Variants in RGS17 observed in about 807,000 individuals in gnomAD.
RGS17 encodes the protein regulator of G-protein signaling 17.
Under a neutral mutation model 25.5 loss-of-function variants are expected in RGS17, and 12 were observed. The observed-to-expected ratio is 0.47, with a 90% confidence interval of 0.30 to 0.76. The LOEUF (loss-of-function observed/expected upper bound fraction) is 0.76. RGS17 is among the 30% of genes least tolerant of loss of function. The pLI, the probability that RGS17 is intolerant of heterozygous loss-of-function variation, is 0.07. For missense variants in RGS17, 196 were observed against 242.2 expected, an observed-to-expected ratio of 0.81 and a Z score of 1.27; for synonymous variants, 71 against 76.9, an observed-to-expected ratio of 0.92 and a Z score of 0.40.
chr6:153,060,657 C>CT (rs1776621738), intron 1 of RGS17, among the ~76,000 whole-genome samples: 1 of 150,962 alleles, frequency 6.6e-6, no homozygotes, highest in African/African-American at 2.4e-5. Context: ...TTCTATTTTG[C>CT]TCAGAGAGGA....
At chr6:153,103,905 C>T (rs2129123931) in intron 1 of RGS17, among the ~76,000 whole-genome samples, 1 of 152,306 alleles carries the variant, frequency 6.6e-6, no homozygotes, top group South Asian at 2.1e-4. Flanking sequence ...TAATTACCAT[C>T]CAGCTTCACA....
intron 1 of RGS17, among the ~76,000 whole-genome samples, chr6:153,125,318 T>C (rs1777688646): frequency 2.0e-5 from 3 of 152,200 alleles, no homozygotes; most frequent in Admixed American, 2.0e-4. Context: ...CATACAAAGC[T>C]TAAGAAATTC....
At chr6:153,018,882 G>A (rs1200270086) in intron 4 of RGS17, among the ~76,000 whole-genome samples, 1 of 152,152 alleles carries the variant, frequency 6.6e-6, no homozygotes. Flanking sequence ...TAGAAAAACT[G>A]ACTTAAATCA....
At chr6:153,094,442 T>G (rs1306139519) in intron 1 of RGS17, among the ~76,000 whole-genome samples, 2 of 152,178 alleles carry the variant, frequency 1.3e-5, no homozygotes, top group Non-Finnish European at 2.9e-5. Context: ...ATAATAATGT[T>G]GATAATTAGA....
At chr6:153,075,947 C>T (rs556577316) in intron 1 of RGS17, among the ~76,000 whole-genome samples, 41 of 151,982 alleles carry the variant, frequency 2.7e-4, no homozygotes, top group African/African-American at 8.5e-4. Context: ...TTACAGTAGG[C>T]GGGTGGGAAT....
intron 1 of RGS17, among the ~76,000 whole-genome samples, chr6:153,088,690 T>C (rs1172419858): frequency 6.6e-6 from 1 of 152,132 alleles, no homozygotes; most frequent in African/African-American, 2.4e-5. Flanking sequence ...CCTTGTACTC[T>C]TCCTGGCATG....
rs753686780 is a variant in RGS17 at position 153,026,563 on chromosome 6, T to C, written c.120-20A>G. The C allele has an allele frequency of 6.3e-7, 1 of 1,585,806 alleles. No homozygotes were observed. Among genetic ancestry groups the C allele is most frequent in the Non-Finnish European group, 8.6e-7 (1 of 1,156,480 alleles). ...GTGAGGCTGTAATGTAACAGAACAT[T>C]TAATTTTGTCAAGGGAAATTCAATC... On this transcript the variant is annotated intron_variant, in intron 2 of 4. Coordinates refer to ENST00000206262, the MANE Select transcript of RGS17 (RefSeq NM_012419.5).
At chr6:153,100,139 C>T (rs1308714287) in intron 1 of RGS17, among the ~76,000 whole-genome samples, 1 of 152,084 alleles carries the variant, frequency 6.6e-6, no homozygotes, top group South Asian at 2.1e-4. Flanking sequence ...AGACTACATA[C>T]CCTGGGCATT....
chr6:153,019,737 T>A (rs1349997758), intron 4 of RGS17, among the ~76,000 whole-genome samples: 2 of 152,204 alleles, frequency 1.3e-5, no homozygotes, highest in Admixed American at 1.3e-4. Context: ...GAAGCTGAGC[T>A]GATGCCAGCA....
intron 2 of RGS17, 78 bp from the exon 3 acceptor site, chr6:153,026,621 A>T: frequency 9.4e-7 from 1 of 1,068,576 alleles, no homozygotes; most frequent in Non-Finnish European, 1.4e-6. Context: ...TTCTGGGGAA[A>T]CATTTCACAG....
chr6:153,099,492 C>A (rs1200218823), intron 1 of RGS17, among the ~76,000 whole-genome samples: 2 of 152,040 alleles, frequency 1.3e-5, no homozygotes, highest in African/African-American at 4.8e-5. Flanking sequence ...TGAGACAAAC[C>A]CTTTTCTAAA....
chr6:153,030,613 C>T (rs957031944), intron 2 of RGS17, among the ~76,000 whole-genome samples: 7 of 152,234 alleles, frequency 4.6e-5, no homozygotes, highest in Non-Finnish European at 8.8e-5. Context: ...GCTTCTACCT[C>T]AAAGTTCCTG....
rs530332560 is a variant in RGS17, at chr6:153,071,801, A to G, written c.-25-27758T>C. ...AATATCAGAACTAGCATTGTTAGGG[A>G]TAATCTATTTTATAGTAGTAGCTGA... On this transcript the variant is annotated intron_variant, in intron 1 of 4. Coordinates refer to ENST00000206262, the MANE Select transcript of RGS17 (RefSeq NM_012419.5). Among the ~76,000 whole-genome samples, 3 of 152,290 alleles carry G rather than the reference A, an allele frequency of 2.0e-5. No individual in the cohort carries two copies. In the East Asian group the frequency reaches 5.8e-4, roughly 29 times the overall value.
chr6:153,090,816 AAC>A (rs113025910), intron 1 of RGS17, among the ~76,000 whole-genome samples: 59 of 150,952 alleles, frequency 3.9e-4, no homozygotes, highest in African/African-American at 1.4e-3. Flanking sequence ...AGATTGAAAA[AAC>A]ACAGCACATA....
intron 1 of RGS17, among the ~76,000 whole-genome samples, chr6:153,095,739 G>A (rs1027066392): frequency 2.0e-5 from 3 of 152,106 alleles, no homozygotes; most frequent in South Asian, 4.1e-4. Flanking sequence ...ATAAAAGGAC[G>A]CATAAATCTC....
At chr6:153,032,671 G>A (rs1776169292) in intron 2 of RGS17, among the ~76,000 whole-genome samples, 2 of 152,068 alleles carry the variant, frequency 1.3e-5, no homozygotes, top group African/African-American at 4.8e-5. Context: ...TTCGGTGAGT[G>A]TAATAATCAA....
chr6:153,058,076 G>A (rs1776584027), intron 1 of RGS17, among the ~76,000 whole-genome samples: 1 of 152,152 alleles, frequency 6.6e-6, no homozygotes, highest in Non-Finnish European at 1.5e-5. Flanking sequence ...GATAATAATA[G>A]AACACATAAG....
chr6:153,087,413 G>A (rs1478730573), intron 1 of RGS17, among the ~76,000 whole-genome samples: 2 of 152,120 alleles, frequency 1.3e-5, no homozygotes, highest in Admixed American at 1.3e-4. Flanking sequence ...GCTATCTATC[G>A]AATCTATATC....
chr6:153,092,319 G>A (rs2129121866), intron 1 of RGS17, among the ~76,000 whole-genome samples: 1 of 152,286 alleles, frequency 6.6e-6, no homozygotes, highest in Middle Eastern at 3.4e-3. Flanking sequence ...GATTTTGAAG[G>A]AAGCAGTTGA....
Sources: gnomAD v4.1 joint callset for allele counts (sites outside exome capture counted in the v4.1 genomes callset) on GRCh38, gnomAD v4.1.1 for gene constraint, MANE v1.5 for transcripts, NCBI Gene and HGNC (gene_info 2026-07-23, HGNC 2026-07-21) for gene names.